The following IQCM variants were observed in gnomAD, a reference collection of about 807,000 sequenced individuals.
IQCM encodes IQ domain-containing protein M.
In IQCM, 45 loss-of-function variants were observed where a neutral mutation model predicts 57.6. The observed-to-expected ratio is 0.78, with a 90% CI of 0.62 to 1.00. The LOEUF (loss-of-function observed/expected upper bound fraction) is 1.00, where lower values mean the gene tolerates loss of function less well. Ranked by LOEUF, IQCM falls within the 50% of genes least tolerant of loss-of-function variation. The probability of loss-of-function intolerance (pLI) is 0.00; values close to 1 mark genes in which losing one functional copy is unlikely to be tolerated. For synonymous variants in IQCM, 148 were observed against 158.9 expected, an observed-to-expected ratio of 0.93 and a Z score of 0.51; for missense variants, 468 against 511.6, an observed-to-expected ratio of 0.91 and a Z score of 0.82.
intron 8 of IQCM, among the ~76,000 whole-genome samples, chr4:149,605,523 T>C (rs1754697629): frequency 1.3e-5 from 2 of 152,206 alleles, no homozygotes; most frequent in Non-Finnish European, 2.9e-5. Context: ...ATTTTGCATG[T>C]AGTACATTCT....
intron 7 of IQCM, among the ~76,000 whole-genome samples, chr4:149,666,921 C>A (rs1434417892): frequency 6.6e-6 from 1 of 152,120 alleles, no homozygotes; most frequent in African/African-American, 2.4e-5. Context: ...AAGGCAGCAG[C>A]ACCAGTCAGG....
At chr4:149,634,594 T>G (rs1757567137) in intron 7 of IQCM, among the ~76,000 whole-genome samples, 1 of 152,228 alleles carries the variant, frequency 6.6e-6, no homozygotes, top group South Asian at 2.1e-4. Context: ...TCTTTGCCTT[T>G]AAAACTCAGA....
intron 7 of IQCM, among the ~76,000 whole-genome samples, chr4:149,669,105 G>A (rs575166967): frequency 1.3e-5 from 2 of 152,188 alleles, no homozygotes; most frequent in African/African-American, 2.4e-5. Flanking sequence ...CAGTGTAAAA[G>A]TGTTCCTATT....
chr4:149,587,958 T>C lies in IQCM; in HGVS notation c.721A>G (p.Ile241Val). 2 of 1,226,046 alleles carry C rather than the reference T, an allele frequency of 1.6e-6. No individual in the cohort carries two copies. The highest frequency in any genetic ancestry group is 2.0e-6 in the Non-Finnish European group (2 of 982,972). The allele number at this position is 1,226,046 out of a possible 1,614,324, so 75.9% of individuals were successfully genotyped here. A position where few individuals can be genotyped will look rare whatever the true frequency, so the allele number is the denominator to read the frequency against. Residue 241 changes from isoleucine to valine, a missense_variant, in exon 9 of 14, where the codon ATC becomes GTC. By Grantham distance (29) the Ile-to-Val change is conservative (BLOSUM62 3). Coordinates refer to ENST00000636793, the MANE Select transcript of IQCM (RefSeq NM_001363507.2). ...KTLIKKERQP[I>V]KPEPKSQPRI... ...GGTTGTGATTTTGGTTCTGGCTTGA[T>C]AGGTTGTCGCTCCTTTTTAATAAGG...
At chr4:149,669,889 A>G (rs1200914238) in intron 7 of IQCM, among the ~76,000 whole-genome samples, 1 of 152,148 alleles carries the variant, frequency 6.6e-6, no homozygotes, top group Non-Finnish European at 1.5e-5. Flanking sequence ...GCCTTATAGT[A>G]TAGTTAGAAG....
chr4:149,366,214 C>T lies in IQCM; in HGVS notation c.1391-14148G>A, dbSNP rs188303453. 1.7e-3 allele frequency among the ~76,000 whole-genome samples: 264 copies of T among 152,094 alleles called. 1 individual carries two copies. The highest frequency in any genetic ancestry group is 2.5e-3 in the South Asian group (12 of 4,826). Reference sequence around the variant, plus strand: ...AGAAATACAAAAGAAAATATCATAGCTCTAATAAAAGAGTACCAACAGTAT... The same window carrying T: ...AGAAATACAAAAGAAAATATCATAGTTCTAATAAAAGAGTACCAACAGTAT... On this transcript the variant is annotated intron_variant, in intron 13 of 13. Coordinates refer to ENST00000636793, the MANE Select transcript of IQCM (RefSeq NM_001363507.2).
At chr4:149,709,120 T>G (rs1764372029) in intron 5 of IQCM, among the ~76,000 whole-genome samples, 1 of 152,126 alleles carries the variant, frequency 6.6e-6, no homozygotes, top group South Asian at 2.1e-4. Context: ...TAAAGTTTTA[T>G]TAACTCTTTA....
At chr4:149,454,246 A>G (rs1235668631) in intron 12 of IQCM, among the ~76,000 whole-genome samples, 3 of 151,502 alleles carry the variant, frequency 2.0e-5, no homozygotes, top group Admixed American at 6.6e-5. Flanking sequence ...ATACATATAT[A>G]TATATTTCTA....
At chr4:149,367,848 C>A (rs1729948991) in intron 13 of IQCM, among the ~76,000 whole-genome samples, 1 of 151,960 alleles carries the variant, frequency 6.6e-6, no homozygotes, top group South Asian at 2.1e-4. Flanking sequence ...TAATTTTGGC[C>A]AGTCTAAAAG....
chr4:149,662,991 T>G (rs187328883), intron 7 of IQCM, among the ~76,000 whole-genome samples: 1 of 152,118 alleles, frequency 6.6e-6, no homozygotes, highest in East Asian at 1.9e-4. Context: ...CCTCTTTTGT[T>G]GTTTACCTCT....
At chr4:149,627,793 G>A (rs1050616792) in intron 7 of IQCM, among the ~76,000 whole-genome samples, 17 of 152,270 alleles carry the variant, frequency 1.1e-4, no homozygotes, top group Middle Eastern at 3.4e-3. Context: ...TTCTGAAATG[G>A]GGAGGGAGAT....
intron 13 of IQCM, among the ~76,000 whole-genome samples, chr4:149,359,920 T>C (rs569339826): frequency 6.6e-6 from 1 of 152,338 alleles, no homozygotes; most frequent in South Asian, 2.1e-4. Flanking sequence ...CCTGTTTGTT[T>C]AGATTCATGC....
Position 149,647,226 on chromosome 4 carries a change from C to T in IQCM, c.566-25982G>A, listed in dbSNP as rs143858488. On this transcript the variant is annotated intron_variant, in intron 7 of 13. Transcript: ENST00000636793. Reference sequence around the variant, plus strand: ...TAAACAACTCAACTGCTCTTTAATACCTTAACTTATATGTTAATGCATAGA... The same window carrying T: ...TAAACAACTCAACTGCTCTTTAATATCTTAACTTATATGTTAATGCATAGA... Among the ~76,000 whole-genome samples, 148 of 152,216 alleles carry T rather than the reference C, an allele frequency of 9.7e-4. 2 individuals are homozygous for T. The East Asian group carries it at 0.024, about 25-fold the overall frequency.
chr4:149,726,140 A>AAAGG (rs1302249812), intron 5 of IQCM, among the ~76,000 whole-genome samples: 3 of 130,744 alleles, frequency 2.3e-5, no homozygotes, highest in Non-Finnish European at 4.9e-5. Context: ...AGAAAGAAAG[A>AAAGG]AAAGAAAGAA....
intron 13 of IQCM, among the ~76,000 whole-genome samples, chr4:149,363,124 G>C (rs1729606306): frequency 1.3e-5 from 2 of 152,202 alleles, no homozygotes; most frequent in East Asian, 1.9e-4. Context: ...GGGTTGCTGA[G>C]AGCACAGAGC....
At chr4:149,516,802 G>A (rs1270931643) in intron 12 of IQCM, among the ~76,000 whole-genome samples, 1 of 151,968 alleles carries the variant, frequency 6.6e-6, no homozygotes, top group East Asian at 1.9e-4. Flanking sequence ...CTGCCACCAG[G>A]AGACACTATG....
At chr4:149,474,436 C>T (rs1489887884) in intron 12 of IQCM, among the ~76,000 whole-genome samples, 1 of 151,588 alleles carries the variant, frequency 6.6e-6, no homozygotes, top group East Asian at 1.9e-4. Flanking sequence ...AGGCCAGGCA[C>T]AGTGGCTCAC....
intron 5 of IQCM, among the ~76,000 whole-genome samples, chr4:149,713,453 C>T (rs1270373657): frequency 1.3e-5 from 2 of 152,158 alleles, no homozygotes; most frequent in Non-Finnish European, 2.9e-5. Flanking sequence ...TGGGAGAAAA[C>T]AAAACCATGA....
At chr4:149,800,875 A>T (rs2150048332) in intron 2 of IQCM, among the ~76,000 whole-genome samples, 1 of 152,066 alleles carries the variant, frequency 6.6e-6, no homozygotes, top group African/African-American at 2.4e-5. Flanking sequence ...TATGGATTGG[A>T]AGAGTCAATA....
Sources: gnomAD v4.1 joint callset for allele counts (sites outside exome capture counted in the v4.1 genomes callset) on GRCh38, gnomAD v4.1.1 for gene constraint, MANE v1.5 for transcripts, NCBI Gene and HGNC (gene_info 2026-07-23, HGNC 2026-07-21) for gene names.